ABCA7: variants seen among roughly 807,000 people sequenced by gnomAD.
ABCA7 encodes phospholipid-transporting ATPase ABCA7.
A neutral mutation model predicts 227.6 loss-of-function variants in ABCA7; 261 were observed. That is an observed-to-expected ratio of 1.15 (90% CI 1.04 to 1.27). ABCA7 has a LOEUF of 1.27. Ranked by LOEUF, ABCA7 falls within the 50% of genes most tolerant of loss-of-function variation. ABCA7 has a pLI of 0.00. For missense variants in ABCA7, 3,331 were observed against 2,924.5 expected (o/e 1.14, Z -3.21); for synonymous variants, 1,488 against 1,279.7 (o/e 1.16, Z -3.47).
rs747731177 is a variant in ABCA7 at position 1,065,340 on chromosome 19, G to A, written c.6356G>A (p.Gly2119Glu). 1 of 1,613,704 alleles carries A rather than the reference G, an allele frequency of 6.2e-7. No individual in the cohort carries two copies. Among genetic ancestry groups the A allele is most frequent in the South Asian group, 1.1e-5 (1 of 91,086 alleles). Residue 2119 changes from glycine (G) to glutamate (E), a missense_variant, in exon 47 of 47, where the codon GGA becomes GAA. Gly to Glu is a moderately conservative substitution (Grantham distance 98). Coordinates refer to ENST00000263094, the MANE Select transcript of ABCA7 (RefSeq NM_019112.4). ...GAAGAGCAGAAGGAGGCAGGAGTGG[G>A]AGTGGACCCCGCGCCAGGCCTGCAG... ...DTEEQKEAGV[G>E]VDPAPGLQHP... is the part of the protein sequence containing the mutation.
At chr19:1,061,950 C>A in intron 41 of ABCA7, 62 bp downstream of exon 41, 1 of 1,482,036 alleles carries the variant, frequency 6.7e-7, no homozygotes, top group East Asian at 2.3e-5. Context: ...TTGTGCTTCC[C>A]CACCCCTCCA....
intron 18 of ABCA7, among the ~76,000 whole-genome samples, chr19:1,049,962 C>T (rs1288217024): frequency 9.0e-6 from 1 of 110,920 alleles, no homozygotes; most frequent in Non-Finnish European, 1.9e-5. Context: ...TCCCCCACCA[C>T]TCCCTCCCTG....
intron 23 of ABCA7, among the ~76,000 whole-genome samples, chr19:1,052,801 A>G (rs2041892338): frequency 6.6e-6 from 1 of 151,138 alleles, no homozygotes; most frequent in South Asian, 2.1e-4. Context: ...CCATGAGACT[A>G]ACTTGAACAC....
chr19:1,044,040 C>A (rs370494056), intron 10 of ABCA7, among the ~76,000 whole-genome samples, 199 bp downstream of exon 10: 78 of 150,356 alleles, frequency 5.2e-4, no homozygotes, highest in Non-Finnish European at 7.2e-4. Context: ...CGGGTTCAAG[C>A]GATTCTCCTG....
In ABCA7 at chr19:1,054,398, C is replaced by T; in HGVS notation, c.3726+57C>T. The T allele has an allele frequency of 6.4e-7, 1 of 1,557,536 alleles. No homozygotes were observed. Among genetic ancestry groups the T allele is most frequent in the Admixed American group, 1.8e-5 (1 of 57,096 alleles). On this transcript the variant is annotated intron_variant, in intron 27 of 46. Coordinates refer to ENST00000263094, the MANE Select transcript of ABCA7 (RefSeq NM_019112.4). This position sits in a 1 kb window ranked among gnomAD's most constrained non-coding sequence, Gnocchi z 4.8. ...GGAGTCCCTGAGTTCCCTACCCTGG[C>T]CGTCCACTCAGTGGCCTAATCCAAA...
Position 1,052,111 on chromosome 19 carries a change from G to C in ABCA7, c.3132G>C (p.Leu1044=). ...CGCTGGTGAAGGCCCGCCTGCCCCT[G>C]ACCACCAATGAGAAGGTGGGGACCG... ...YLTLVKARLP[L]TTNEKADTDM... is the part of the protein sequence containing the mutation. Residue 1044 remains leucine (L), a synonymous_variant, in exon 22 of 47, where the codon CTG becomes CTC. Coordinates refer to ENST00000263094, the MANE Select transcript of ABCA7 (RefSeq NM_019112.4). 6.2e-7 allele frequency: 1 copy of C among 1,612,200 alleles called. No individual in the cohort carries two copies. The highest frequency in any genetic ancestry group is 8.5e-7 in the Non-Finnish European group (1 of 1,179,818).
rs779857459 is a variant in ABCA7 at position 1,061,849 on chromosome 19, C to T, written c.5531C>T (p.Thr1844Ile). 5.6e-6 allele frequency: 9 copies of T among 1,604,238 alleles called. No individual in the cohort carries two copies. The Admixed American group carries it at 8.7e-5, about 15-fold the overall frequency. The change falls in exon 41 of 47, where the codon ACA (threonine) becomes ATA (isoleucine). Residue 1844 changes from threonine to isoleucine, a missense_variant. Coordinates refer to ENST00000263094, the MANE Select transcript of ABCA7 (RefSeq NM_019112.4). ...TSTFRMVTGD[T>I]LASRGEAVLA... ...ACGTTTCGCATGGTGACGGGGGACA[C>T]ATTGGCCAGCAGGGGCGAGGCTGTG... is the stretch of plus-strand genomic sequence containing the variant.
rs200794514 is a variant in ABCA7 at position 1,065,413 on chromosome 19, G to C, written c.6429G>C (p.Glu2143Asp). Residue 2143 changes from glutamate (E) to aspartate (D), a missense_variant, in exon 47 of 47, where the codon GAG (glutamate) becomes GAC (aspartate). Transcript: ENST00000263094. ...TCCTCGATGACCCTAGCACTGCCGA[G>C]ACTGTGCTCTGAGCCTCCCTCCCCT... ...SQFLDDPSTA[E>D]TVL is the part of the protein sequence containing the mutation. 7.7e-5 allele frequency: 125 copies of C among 1,613,332 alleles called. No individual in the cohort carries two copies. Among genetic ancestry groups the C allele is most frequent in the Non-Finnish European group, 5.1e-6 (6 of 1,179,906 alleles).
intron 18 of ABCA7, 106 bp from the exon 19 acceptor site, chr19:1,050,815 T>A: frequency 1.8e-6 from 1 of 565,524 alleles, no homozygotes; most frequent in Non-Finnish European, 2.3e-6. Context: ...ATAATAATAA[T>A]AATAAATAAT....
At position 1,050,996 on chromosome 19, in the gene ABCA7, G is replaced by C. The variant is rs1450959227; in HGVS notation, c.2628G>C (p.Met876Ile). ...FILGHDVRSS[M>I]AAIRPHLGVC... ...TGGGCCACGACGTCCGCTCCAGCATGGCCGCCATCCGGCCCCACCTGGGCG... is the reference window on the plus strand; with the variant it reads ...TGGGCCACGACGTCCGCTCCAGCATCGCCGCCATCCGGCCCCACCTGGGCG... Residue 876 changes from methionine (M) to isoleucine (I), a missense_variant, in exon 19 of 47, where the codon ATG (methionine) becomes ATC (isoleucine). Coordinates refer to ENST00000263094, the MANE Select transcript of ABCA7 (RefSeq NM_019112.4). 6.2e-7 allele frequency: 1 copy of C among 1,612,318 alleles called. No individual in the cohort carries two copies. The highest frequency in any genetic ancestry group is 1.1e-5 in the South Asian group (1 of 91,018).
chr19:1,044,702 T>C lies in ABCA7; in HGVS notation c.1173T>C (p.Ala391=). The stretch of plus-strand genomic sequence containing the variant: ...GCTACAGCTGGCAGGACGCACACGC[T>C]GATGTGGGGCACCTGGTGGGCACGC... ...SGGYSWQDAH[A]DVGHLVGTLG... The change falls in exon 11 of 47, where the codon GCT becomes GCC. Residue 391 remains alanine, a synonymous_variant. Coordinates refer to ENST00000263094, the MANE Select transcript of ABCA7 (RefSeq NM_019112.4). The C allele has an allele frequency of 6.2e-7, 1 of 1,612,264 alleles. No individual in the cohort carries two copies.
chr19:1,052,450 T>G (rs977010924), intron 23 of ABCA7, among the ~76,000 whole-genome samples, 164 bp downstream of exon 23: 1 of 1,354 alleles, frequency 7.4e-4, no homozygotes, highest in Non-Finnish European at 1.7e-3. Context: ...GAGTAAGAGG[T>G]GGAAGGGGAG....
intron 23 of ABCA7, 132 bp from the exon 24 acceptor site, chr19:1,053,197 C>A: frequency 1.0e-6 from 1 of 954,182 alleles, no homozygotes; most frequent in Non-Finnish European, 1.5e-6. Flanking sequence ...CCGGCCGCAC[C>A]TGGCCTACGT....
Position 1,050,914 on chromosome 19 carries a change from T to C in ABCA7, c.2553-7T>C. On this transcript the variant is annotated splice_polypyrimidine_tract_variant and splice_region_variant and intron_variant, in intron 18 of 46. Transcript: ENST00000263094. Reference sequence around the variant, plus strand: ...AGGGGGCTACTCTGAGACCCCTCTATCCACAGGTCCATCTTGAGTGGCCTC... The same window carrying C: ...AGGGGGCTACTCTGAGACCCCTCTACCCACAGGTCCATCTTGAGTGGCCTC... The C allele has an allele frequency of 6.3e-7, 1 of 1,594,692 alleles. No homozygotes were observed. The highest frequency in any genetic ancestry group is 1.7e-5 in the Admixed American group (1 of 58,712).
At chr19:1,046,726 C>T in intron 13 of ABCA7, 76 bp from the exon 14 acceptor site, 2 of 1,410,102 alleles carry the variant, frequency 1.4e-6, no homozygotes, top group Non-Finnish European at 1.9e-6. Flanking sequence ...GGACACGAAC[C>T]AGTCGTGCCA....
chr19:1,061,013 G>A (rs912924712), intron 40 of ABCA7, among the ~76,000 whole-genome samples: 1 of 152,164 alleles, frequency 6.6e-6, no homozygotes, highest in Non-Finnish European at 1.5e-5. Context: ...TCCCTGCTAA[G>A]TGACAGCTTT....
chr19:1,046,310 T>C lies in ABCA7; in HGVS notation c.1526T>C (p.Leu509Pro). ...VWGGFVYLQD[L>P]VERAAVRVLS... ...GGCGGCTTCGTGTACCTGCAAGACCTGGTGGAGCGTGCAGCCGTCCGCGTG... is the reference window on the plus strand; with the variant it reads ...GGCGGCTTCGTGTACCTGCAAGACCCGGTGGAGCGTGCAGCCGTCCGCGTG... The change falls in exon 13 of 47, where the codon CTG becomes CCG. Residue 509 changes from leucine to proline, a missense_variant. Coordinates refer to ENST00000263094, the MANE Select transcript of ABCA7 (RefSeq NM_019112.4). The C allele has an allele frequency of 6.2e-7, 1 of 1,605,010 alleles. No individual in the cohort carries two copies. Among genetic ancestry groups the C allele is most frequent in the Non-Finnish European group, 8.5e-7 (1 of 1,179,630 alleles).
Position 1,061,805 on chromosome 19 carries a change from T to C in ABCA7, c.5487T>C (p.Asn1829=), listed in dbSNP as rs78320196. Residue 1829 remains asparagine (N), a synonymous_variant, in exon 41 of 47, where the codon AAT becomes AAC. Coordinates refer to ENST00000263094, the MANE Select transcript of ABCA7 (RefSeq NM_019112.4). ...PGECFGLLGV[N]GAGKTSTFRM... is the part of the protein sequence containing the mutation. ...AGTGTTTTGGGCTGCTGGGTGTGAA[T>C]GGAGCAGGGAAGACGTCCACGTTTC... The C allele has an allele frequency of 0.053, 85,641 of 1,611,846 alleles. 2,758 individuals carry two copies. Among genetic ancestry groups the C allele is most frequent in the South Asian group, 0.13 (11,737 of 90,872 alleles).
rs774756191 is a variant in ABCA7, at chr19:1,054,014, T to C, written c.3481T>C (p.Cys1161Arg). Reference protein sequence around the residue: ...AADTDMEDGSCGQHLCTGIAG... With the variant: ...AADTDMEDGSRGQHLCTGIAG... ...CCCTGATGGCCCTGCAGATGGCAGCTGCGGGCAGCACCTATGCACAGGCAT... is the reference window on the plus strand; with the variant it reads ...CCCTGATGGCCCTGCAGATGGCAGCCGCGGGCAGCACCTATGCACAGGCAT... Residue 1161 changes from cysteine to arginine, a missense_variant, in exon 26 of 47, where the codon TGC becomes CGC. By Grantham distance (180) the Cys-to-Arg change is radical (BLOSUM62 -3). Coordinates refer to ENST00000263094, the MANE Select transcript of ABCA7 (RefSeq NM_019112.4). This position sits in a 1 kb window ranked among gnomAD's most constrained non-coding sequence, Gnocchi z 4.8. 2.0e-5 allele frequency: 33 copies of C among 1,613,126 alleles called. No individual in the cohort carries two copies. Among genetic ancestry groups the C allele is most frequent in the Non-Finnish European group, 2.7e-5 (32 of 1,179,884 alleles).
Sources: gnomAD v4.1 joint callset for allele counts (sites outside exome capture counted in the v4.1 genomes callset) on GRCh38, gnomAD v4.1.1 for gene constraint, Gnocchi (gnomAD v3.1) non-coding constraint, MANE v1.5 for transcripts, NCBI Gene and HGNC (gene_info 2026-07-23, HGNC 2026-07-21) for gene names.